Variants in PPFIBP2 observed in about 807,000 individuals in gnomAD.
PPFIBP2 encodes the protein PPFIB scaffold protein 2.
A neutral mutation model predicts 118.3 loss-of-function variants in PPFIBP2; 118 were observed. The observed-to-expected ratio is 1.00, with a 90% confidence interval of 0.86 to 1.16. The LOEUF is 1.16. Ranked by LOEUF, PPFIBP2 falls within the 50% of genes most tolerant of loss-of-function variation. The pLI, the probability that PPFIBP2 is intolerant of heterozygous loss-of-function variation, is 0.00. For synonymous variants in PPFIBP2, 414 were observed against 397.4 expected (o/e 1.04, Z -0.50); for missense variants, 1,195 against 1,073.1 (o/e 1.11, Z -1.59).
intron 2 of PPFIBP2, among the ~76,000 whole-genome samples, chr11:7,559,269 T>C (rs1854022815): frequency 6.6e-6 from 1 of 152,222 alleles, no homozygotes; most frequent in South Asian, 2.1e-4. Context: ...TGGTTTATGG[T>C]GTCTTCTAAA....
intron 1 of PPFIBP2, among the ~76,000 whole-genome samples, chr11:7,544,905 T>C (rs1202469846): frequency 6.6e-6 from 1 of 152,136 alleles, no homozygotes; most frequent in Non-Finnish European, 1.5e-5. Context: ...GTGTTGCTTC[T>C]GGAGCTTGGT....
intron 2 of PPFIBP2, among the ~76,000 whole-genome samples, chr11:7,556,073 T>A (rs931715731): frequency 6.6e-6 from 1 of 152,222 alleles, no homozygotes; most frequent in Non-Finnish European, 1.5e-5. Context: ...TAGATTAGAA[T>A]TATTCTTTAA....
intron 1 of PPFIBP2, among the ~76,000 whole-genome samples, chr11:7,538,879 G>T (rs1257337187): frequency 6.6e-6 from 1 of 152,094 alleles, no homozygotes; most frequent in Non-Finnish European, 1.5e-5. Flanking sequence ...GCCCCCACTG[G>T]CCTGAGCTTA....
chr11:7,644,895 C>T lies in PPFIBP2; in HGVS notation c.1646+2469C>T, dbSNP rs372056230. Among the ~76,000 whole-genome samples, 581 of 150,910 alleles carry T rather than the reference C, an allele frequency of 3.8e-3. 3 individuals are homozygous for T. The highest frequency in any genetic ancestry group is 0.013 in the African/African-American group (528 of 41,068). On this transcript the variant is annotated intron_variant, in intron 17 of 23. Coordinates refer to ENST00000299492, the MANE Select transcript of PPFIBP2 (RefSeq NM_003621.5). ...ACAAAAAATTAGCCGGGCGTGGTGGCGGGCGCCTGTAGTCCCAGCTACTCG... is the reference window on the plus strand; with the variant it reads ...ACAAAAAATTAGCCGGGCGTGGTGGTGGGCGCCTGTAGTCCCAGCTACTCG...
the PPFIBP2 span, chr11:7,667,177 G>T: frequency 6.6e-6 from 1 of 152,136 alleles, no homozygotes; most frequent in Non-Finnish European, 1.5e-5. Context: ...AAGTAATCAA[G>T]CGTAGGCACA....
intron 4 of PPFIBP2, among the ~76,000 whole-genome samples, chr11:7,596,800 G>A (rs1482605307): frequency 6.6e-6 from 1 of 152,122 alleles, no homozygotes; most frequent in Non-Finnish European, 1.5e-5. Flanking sequence ...GGATCCTGGG[G>A]CCGTTTGCTA....
intron 4 of PPFIBP2, among the ~76,000 whole-genome samples, chr11:7,596,636 G>A (rs1290578980): frequency 2.0e-5 from 3 of 152,106 alleles, no homozygotes; most frequent in East Asian, 1.9e-4. Context: ...ATTTCAGACT[G>A]AGAAATAATT....
At chr11:7,655,479 A>T, downstream of PPFIBP2, 1 of 1,289,774 alleles carries the variant, frequency 7.8e-7, no homozygotes, top group South Asian at 1.2e-5. Context: ...CTCCTCTCCC[A>T]AGACATTCAC....
At chr11:7,655,512 C>T, downstream of PPFIBP2, 2 of 1,288,998 alleles carry the variant, frequency 1.6e-6, no homozygotes, top group South Asian at 2.5e-5. Context: ...GGACTCTGAC[C>T]CTCTCCCCAC....
downstream of PPFIBP2, chr11:7,656,938 G>A: frequency 1.8e-6 from 1 of 546,640 alleles, no homozygotes; most frequent in Non-Finnish European, 3.1e-6. Context: ...TGACAGGCAT[G>A]AAGCAGAGCT....
At chr11:7,642,893 G>A (rs1022303181) in intron 17 of PPFIBP2, among the ~76,000 whole-genome samples, 10 of 152,186 alleles carry the variant, frequency 6.6e-5, no homozygotes, top group Non-Finnish European at 1.3e-4. Flanking sequence ...GGGAGTCTTA[G>A]CTTATTTTGC....
At chr11:7,565,151 A>G (rs1854809866) in intron 2 of PPFIBP2, among the ~76,000 whole-genome samples, 1 of 152,238 alleles carries the variant, frequency 6.6e-6, no homozygotes, top group African/African-American at 2.4e-5. Flanking sequence ...CAAAGGGTAC[A>G]GTCATCCACC....
chr11:7,596,393 T>G (rs1279975144), intron 4 of PPFIBP2, among the ~76,000 whole-genome samples: 244 of 62,364 alleles, frequency 3.9e-3, no homozygotes, highest in African/African-American at 0.012. Context: ...GTTCTTGTTT[T>G]TTTTTTTTTT....
intron 1 of PPFIBP2, 120 bp from the exon 2 acceptor site, chr11:7,549,320 G>C: frequency 1.1e-6 from 1 of 877,814 alleles, no homozygotes; most frequent in South Asian, 1.6e-5. Flanking sequence ...CTACATGTCG[G>C]CTACTATGAT....
At chr11:7,645,991 CTT>C (rs1852997532) in intron 17 of PPFIBP2, among the ~76,000 whole-genome samples, 1 of 152,132 alleles carries the variant, frequency 6.6e-6, no homozygotes, top group African/African-American at 2.4e-5. Context: ...AGAAATTATT[CTT>C]TCTTACATTA....
intron 6 of PPFIBP2, among the ~76,000 whole-genome samples, chr11:7,613,343 CTTGTT>C (rs980163777): frequency 7.9e-5 from 12 of 152,170 alleles, no homozygotes; most frequent in African/African-American, 2.7e-4. Flanking sequence ...CATCTTGCTG[CTTGTT>C]TTAAGTTGTG....
At chr11:7,580,873 A>G (rs1857165245) in intron 3 of PPFIBP2, among the ~76,000 whole-genome samples, 1 of 152,176 alleles carries the variant, frequency 6.6e-6, no homozygotes, top group Non-Finnish European at 1.5e-5. Context: ...GATTATCAGG[A>G]AGGGAGAAGT....
chr11:7,581,612 C>T (rs1418801038), intron 3 of PPFIBP2, among the ~76,000 whole-genome samples: 1 of 151,882 alleles, frequency 6.6e-6, no homozygotes, highest in East Asian at 1.9e-4. Context: ...TCACTCCAGA[C>T]ACTGACTTGC....
Position 7,616,556 on chromosome 11 carries a change from C to T in PPFIBP2, c.619-4379C>T, listed in dbSNP as rs556567982. On this transcript the variant is annotated intron_variant, in intron 6 of 23. Transcript: ENST00000299492. The surrounding 1 kb of genome is among the most constrained non-coding windows in gnomAD (Gnocchi z 5.2). The stretch of plus-strand genomic sequence containing the variant: ...TCAGTGAAGTGTTGCAAAAACGTTG[C>T]TTGAGATAATCTTGTAGACAGGATG... Among the ~76,000 whole-genome samples, 1 of 152,098 alleles carries T rather than the reference C, an allele frequency of 6.6e-6. No individual in the cohort carries two copies.
Sources: allele counts gnomAD v4.1 joint callset (sites outside exome capture counted in the v4.1 genomes callset), GRCh38; gene constraint gnomAD v4.1.1; non-coding constraint Gnocchi (gnomAD v3.1); transcripts MANE v1.5; gene names NCBI Gene and HGNC (gene_info 2026-07-23, HGNC 2026-07-21).